UNC79: variants seen among roughly 807,000 people sequenced by gnomAD.
UNC79 encodes protein unc-79 homolog.
UNC79 carries 37 observed loss-of-function variants against 283.1 expected under a neutral mutation model. The ratio of observed to expected loss-of-function variants is 0.13; its 90% CI spans 0.10 to 0.17. The LOEUF (loss-of-function observed/expected upper bound fraction) is 0.17, where lower values mean the gene tolerates loss of function less well. Ranked by LOEUF, UNC79 falls within the 10% of genes least tolerant of loss-of-function variation. The pLI is 1.00. For missense variants in UNC79, 2,272 were observed against 3,211.1 expected, an observed-to-expected ratio of 0.71 and a Z score of 7.07; for synonymous variants, 1,107 against 1,200.2, an observed-to-expected ratio of 0.92 and a Z score of 1.61.
Position 93,690,512 on chromosome 14 carries a change from T to C in UNC79, c.7272+209T>C. 1 of 516,396 alleles carries C rather than the reference T, an allele frequency of 1.9e-6. No homozygotes were observed. The highest frequency in any genetic ancestry group is 3.3e-5 in the East Asian group (1 of 30,438). 32.0% of individuals were successfully genotyped at this position (516,396 alleles called of 1,614,324 possible). A position where few individuals can be genotyped will look rare whatever the true frequency, so the allele number is the denominator to read the frequency against. On this transcript the variant is annotated intron_variant, in intron 45 of 48. Coordinates refer to ENST00000555664, the Ensembl canonical transcript of UNC79. The surrounding 1 kb of genome is among the most constrained non-coding windows in gnomAD (Gnocchi z 4.3). ...CCCCGCCCCCAAATTGTTTTTCGGC[T>C]TACTTTTATAAAGATAAATCATGGA...
At chr14:93,651,859 G>C (rs1331615661) in intron 35 of UNC79, among the ~76,000 whole-genome samples, 1 of 151,098 alleles carries the variant, frequency 6.6e-6, no homozygotes, top group Non-Finnish European at 1.5e-5. Flanking sequence ...CCTGCCTCAG[G>C]CTCCCAAGTA....
chr14:93,493,367 CG>C (rs2058831471), intron 5 of UNC79, among the ~76,000 whole-genome samples: 1 of 151,964 alleles, frequency 6.6e-6, no homozygotes, highest in Non-Finnish European at 1.5e-5. Context: ...GGGAGGCCTG[CG>C]TTTATTCCAA....
intron 40 of UNC79, among the ~76,000 whole-genome samples, chr14:93,668,093 A>G (rs954213499): frequency 6.6e-6 from 1 of 152,214 alleles, no homozygotes; most frequent in African/African-American, 2.4e-5. Flanking sequence ...AAAATCATAA[A>G]TAAGATGAGA....
chr14:93,443,333 G>T (rs891213146), intron 1 of UNC79, among the ~76,000 whole-genome samples: 25 of 151,930 alleles, frequency 1.6e-4, no homozygotes, highest in African/African-American at 6.0e-4. Flanking sequence ...GTTCCAGGAA[G>T]ACATTGCTTT....
intron 1 of UNC79, among the ~76,000 whole-genome samples, chr14:93,370,742 G>A (rs1566897386): frequency 2.0e-5 from 3 of 151,898 alleles, no homozygotes; most frequent in East Asian, 2.0e-4. Flanking sequence ...ATTGCACTCC[G>A]GCCTGGGCTA....
chr14:93,340,632 A>G (rs1442370111), intron 1 of UNC79, among the ~76,000 whole-genome samples: 1 of 150,500 alleles, frequency 6.6e-6, no homozygotes, highest in African/African-American at 2.5e-5. Context: ...GTGCAGTGAC[A>G]TGATTATAGC....
intron 1 of UNC79, among the ~76,000 whole-genome samples, chr14:93,422,877 G>A (rs529971944): frequency 1.2e-3 from 181 of 151,580 alleles, no homozygotes; most frequent in African/African-American, 4.1e-3. Context: ...TGGCTAACAC[G>A]GTGAAACCCT....
Position 93,438,286 on chromosome 14 carries a change from A to G in UNC79, c.22+7235A>G, listed in dbSNP as rs544725217. Among the ~76,000 whole-genome samples the G allele has an allele frequency of 4.9e-3, 746 of 152,248 alleles. 5 individuals are homozygous for G. The highest frequency in any genetic ancestry group is 0.017 in the African/African-American group (700 of 41,546). On this transcript the variant is annotated intron_variant, in intron 1 of 48. Coordinates refer to ENST00000555664, the Ensembl canonical transcript of UNC79. ...CCTGTCATGGTACCACTCAATCTAT[A>G]TATTTCATCAACTTGTCTATTCACT... is the stretch of plus-strand genomic sequence containing the variant.
intron 30 of UNC79, among the ~76,000 whole-genome samples, chr14:93,624,982 C>T (rs2067443684): frequency 6.6e-6 from 1 of 152,300 alleles, no homozygotes; most frequent in African/African-American, 2.4e-5. Context: ...GGTCGTCCTC[C>T]GTATCCCTCA....
chr14:93,399,823 A>T (rs191098943), intron 1 of UNC79, among the ~76,000 whole-genome samples: 2 of 152,304 alleles, frequency 1.3e-5, no homozygotes, highest in Admixed American at 1.3e-4. Flanking sequence ...CTATGTGCAG[A>T]TTTCCTGCAT....
At chr14:93,385,853 C>T (rs1309188592) in intron 1 of UNC79, among the ~76,000 whole-genome samples, 1 of 151,574 alleles carries the variant, frequency 6.6e-6, no homozygotes, top group East Asian at 1.9e-4. Context: ...ATTTGTTTAT[C>T]AGTCCTGATA....
chr14:93,604,319 A>G (rs1370968231), intron 26 of UNC79, among the ~76,000 whole-genome samples: 1 of 152,224 alleles, frequency 6.6e-6, no homozygotes, highest in East Asian at 1.9e-4. Context: ...ATACAGCCTT[A>G]TATAACATAA....
chr14:93,476,998 G>T (rs2057840627), intron 3 of UNC79, among the ~76,000 whole-genome samples: 1 of 152,154 alleles, frequency 6.6e-6, no homozygotes, highest in Non-Finnish European at 1.5e-5. Context: ...GATGTTGTTA[G>T]AAAGATTATT....
At chr14:93,540,568 T>C in intron 12 of UNC79, 92 bp from the exon 13 acceptor site, 5 of 1,418,486 alleles carry the variant, frequency 3.5e-6, no homozygotes, top group Non-Finnish European at 4.8e-6. Flanking sequence ...TCCAGGATGC[T>C]TGAGTACTCG....
intron 41 of UNC79, among the ~76,000 whole-genome samples, chr14:93,678,105 C>G (rs1004141353): frequency 6.6e-6 from 1 of 152,148 alleles, no homozygotes; most frequent in African/African-American, 2.4e-5. Flanking sequence ...AAACCTTTCC[C>G]CTTTACCTTT....
chr14:93,684,887 G>A (rs1470046394), intron 42 of UNC79, among the ~76,000 whole-genome samples: 1 of 152,148 alleles, frequency 6.6e-6, no homozygotes, highest in Non-Finnish European at 1.5e-5. Context: ...TTAATCGTTA[G>A]TTTTCCTATG....
rs202240403 is a variant in UNC79 at position 93,542,642 on chromosome 14, T to A, written c.1701T>A (p.Val567=). The stretch of plus-strand genomic sequence containing the variant: ...AATGGCTGAAGACCGTATGTGATGT[T>A]CGCTTCGATGTCATGGTCATGTGCC... Residue 567 remains valine, a synonymous_variant, in exon 14 of 49, where the codon GTT becomes GTA. Transcript: ENST00000555664. 2.2e-5 allele frequency: 36 copies of A among 1,614,240 alleles called. No individual in the cohort carries two copies. The East Asian group carries it at 7.1e-4, about 32-fold the overall frequency.
chr14:93,515,842 C>G lies in UNC79; in HGVS notation c.899-8136C>G, dbSNP rs533423602. On this transcript the variant is annotated intron_variant, in intron 7 of 48. Coordinates refer to ENST00000555664, the Ensembl canonical transcript of UNC79. Reference sequence around the variant, plus strand: ...CAGGGGCTTCCCTGTTGAAGTATTTCAAAGAGAAGGAGATTTTAATTTTGA... The same window carrying G: ...CAGGGGCTTCCCTGTTGAAGTATTTGAAAGAGAAGGAGATTTTAATTTTGA... 4.0e-5 allele frequency among the ~76,000 whole-genome samples: 6 copies of G among 151,874 alleles called. 1 individual carries two copies. The South Asian group carries it at 1.3e-3, about 32-fold the overall frequency.
chr14:93,385,975 G>A (rs1228612463), intron 1 of UNC79, among the ~76,000 whole-genome samples: 1 of 151,920 alleles, frequency 6.6e-6, no homozygotes, highest in Admixed American at 6.6e-5. Context: ...TCTTTCTCTT[G>A]TCTGATTGCT....
Sources: allele counts gnomAD v4.1 joint callset (sites outside exome capture counted in the v4.1 genomes callset), GRCh38; gene constraint gnomAD v4.1.1; non-coding constraint Gnocchi (gnomAD v3.1); transcripts MANE v1.5; gene names NCBI Gene and HGNC (gene_info 2026-07-23, HGNC 2026-07-21).